ANKFY1: variants seen among roughly 807,000 people sequenced by gnomAD.
ANKFY1 encodes the protein ankyrin repeat and FYVE domain-containing protein 1.
A neutral mutation model predicts 128.3 loss-of-function variants in ANKFY1; 47 were observed. The ratio of observed to expected loss-of-function variants is 0.37; its 90% CI spans 0.29 to 0.47. The LOEUF is 0.47. ANKFY1 is among the 20% of genes least tolerant of loss of function. The probability of loss-of-function intolerance (pLI) is 1.00; values close to 1 mark genes in which losing one functional copy is unlikely to be tolerated. For synonymous variants in ANKFY1, 553 were observed against 601.6 expected, an observed-to-expected ratio of 0.92 and a Z score of 1.18; for missense variants, 1,222 against 1,510.6, an observed-to-expected ratio of 0.81 and a Z score of 3.17.
intron 2 of ANKFY1, 91 bp from the exon 3 acceptor site, chr17:4,235,981 A>G: frequency 1.2e-6 from 1 of 842,470 alleles, no homozygotes; most frequent in South Asian, 1.6e-5. Context: ...ATGAGTATTC[A>G]TCAACATACA....
intron 1 of ANKFY1, among the ~76,000 whole-genome samples, chr17:4,245,778 G>C (rs1272086156): frequency 1.3e-5 from 2 of 150,676 alleles, no homozygotes; most frequent in Non-Finnish European, 2.9e-5. Context: ...GCCAGGTCTG[G>C]TGGCTCATGC....
chr17:4,197,463 T>A lies in ANKFY1; in HGVS notation c.1013A>T (p.His338Leu). The A allele has an allele frequency of 6.2e-7, 1 of 1,614,170 alleles. No homozygotes were observed. The highest frequency in any genetic ancestry group is 8.5e-7 in the Non-Finnish European group (1 of 1,180,038). ...CATCTCAGACATCACATCTGCTGAG[T>A]GTTTCTTTGAACTGTACAAGGCCAC... ...HLVALYSSKK[H>L]SADVMSEMAQ... Residue 338 changes from histidine (H) to leucine (L), a missense_variant, in exon 8 of 25, where the codon CAC becomes CTC. Transcript: ENST00000341657.
chr17:4,165,476 C>G lies in ANKFY1; in HGVS notation c.*2303G>C, dbSNP rs1249562697. On this transcript the variant is annotated 3_prime_UTR_variant, in exon 25 of 25. Transcript: ENST00000341657. Reference sequence around the variant, plus strand: ...GGCTGGAAGCATGCCTAGTCCCAGCCAGGGCAGGGCATGTTGGAGTCAGCT... The same window carrying G: ...GGCTGGAAGCATGCCTAGTCCCAGCGAGGGCAGGGCATGTTGGAGTCAGCT... 1 of 152,204 alleles carries G rather than the reference C, an allele frequency of 6.6e-6. No individual in the cohort carries two copies. The highest frequency in any genetic ancestry group is 6.5e-5 in the Admixed American group (1 of 15,284). The allele number at this position is 152,204 out of a possible 1,614,324, so 9.4% of individuals were successfully genotyped here.
rs2059302354 is a variant in ANKFY1, at chr17:4,170,774, T to C, written c.3227A>G (p.Gln1076Arg). ...SGARLGVNNN[Q>R]GVNIFNYQVA... ...CTGGTAGTTGAAGATGTTGACTCCC[T>C]GGTTGTTATTCACCCCGAGGCGAGC... Residue 1076 changes from glutamine to arginine, a missense_variant, in exon 23 of 25, where the codon CAG becomes CGG. By Grantham distance (43) the Gln-to-Arg change is conservative (BLOSUM62 1). Transcript: ENST00000341657. 6.2e-7 allele frequency: 1 copy of C among 1,614,046 alleles called. No individual in the cohort carries two copies. The highest frequency in any genetic ancestry group is 1.7e-5 in the Admixed American group (1 of 59,998).
chr17:4,234,791 G>A (rs1966863051), intron 3 of ANKFY1, among the ~76,000 whole-genome samples: 2 of 152,124 alleles, frequency 1.3e-5, no homozygotes, highest in South Asian at 4.1e-4. Flanking sequence ...TTACAGGCAT[G>A]AGCCACCATA....
chr17:4,173,557 T>C, intron 20 of ANKFY1, 113 bp from the exon 21 acceptor site: 1 of 971,456 alleles, frequency 1.0e-6, no homozygotes, highest in Non-Finnish European at 1.6e-6. Flanking sequence ...CAGCAGCGAC[T>C]GGCCACGCAC....
intron 8 of ANKFY1, among the ~76,000 whole-genome samples, chr17:4,195,949 A>T (rs2143010243): frequency 6.6e-6 from 1 of 151,616 alleles, no homozygotes; most frequent in East Asian, 1.9e-4. Context: ...CCTGCAGGAG[A>T]CTGGCACTGC....
intron 1 of ANKFY1, chr17:4,263,522 G>A (rs1968535451): frequency 8.2e-7 from 1 of 1,221,072 alleles, no homozygotes; most frequent in African/African-American, 1.6e-5. Context: ...TCTTCCGCAA[G>A]CGAGGGATGG....
At chr17:4,207,842 C>A in intron 6 of ANKFY1, 91 bp downstream of exon 6, 1 of 1,326,982 alleles carries the variant, frequency 7.5e-7, no homozygotes, top group South Asian at 1.6e-5. Flanking sequence ...CTGTGCCAGT[C>A]ATGGCTCGGA....
intron 5 of ANKFY1, 40 bp from the exon 6 acceptor site, chr17:4,208,122 A>C (rs777100372): frequency 6.4e-7 from 1 of 1,556,014 alleles, no homozygotes; most frequent in Non-Finnish European, 8.7e-7. Context: ...AACAGACACA[A>C]GGCAATGAAT....
intron 1 of ANKFY1, among the ~76,000 whole-genome samples, chr17:4,261,620 C>T (rs539994262): frequency 6.1e-4 from 93 of 152,362 alleles, no homozygotes; most frequent in African/African-American, 2.2e-3. Flanking sequence ...GGCGAGATGT[C>T]TCTCAAGGCG....
rs1469775142 is a variant in ANKFY1, at chr17:4,164,986, C to T, written c.*2793G>A. On this transcript the variant is annotated 3_prime_UTR_variant, in exon 25 of 25. Coordinates refer to ENST00000341657, the MANE Select transcript of ANKFY1 (RefSeq NM_001330063.2). ...GTAATTGGGGTTGACCGTGCACAGG[C>T]CCAAAACTCCAAATGGAACACATGT... is the stretch of plus-strand genomic sequence containing the variant. 2.0e-5 allele frequency: 3 copies of T among 152,566 alleles called. No individual in the cohort carries two copies. The highest frequency in any genetic ancestry group is 1.3e-4 in the Admixed American group (2 of 15,264). The allele number at this position is 152,566 out of a possible 1,614,324, so 9.5% of individuals were successfully genotyped here.
chr17:4,263,492 CAG>C, intron 1 of ANKFY1: 30 of 1,201,870 alleles, frequency 2.5e-5, no homozygotes, highest in East Asian at 4.1e-5. Flanking sequence ...CACCCCAACC[CAG>C]CCCGAGGAGA....
intron 20 of ANKFY1, 118 bp downstream of exon 20, chr17:4,173,791 C>T: frequency 7.3e-7 from 1 of 1,365,900 alleles, no homozygotes; most frequent in Admixed American, 2.2e-5. Context: ...CTTCCTGTCA[C>T]AGCTTTGCTC....
chr17:4,184,570 A>G (rs2059576744), intron 12 of ANKFY1, among the ~76,000 whole-genome samples: 1 of 152,208 alleles, frequency 6.6e-6, no homozygotes, highest in Non-Finnish European at 1.5e-5. Context: ...ATAGTCAAAT[A>G]AGACAGACAT....
intron 24 of ANKFY1, chr17:4,168,725 G>C (rs2059258912): frequency 6.5e-6 from 1 of 152,926 alleles, no homozygotes; most frequent in Non-Finnish European, 1.5e-5. Flanking sequence ...TGTTGGCCAG[G>C]CTGGTCTCGA....
intron 2 of ANKFY1, among the ~76,000 whole-genome samples, chr17:4,239,695 C>T (rs1376675571): frequency 6.6e-6 from 1 of 152,082 alleles, no homozygotes; most frequent in Non-Finnish European, 1.5e-5. Flanking sequence ...CGTGCCACCA[C>T]ATGTGGCTAA....
At chr17:4,218,946 CAT>C (rs983462396) in intron 3 of ANKFY1, among the ~76,000 whole-genome samples, 1 of 151,892 alleles carries the variant, frequency 6.6e-6, no homozygotes, top group East Asian at 1.9e-4. Context: ...TGCATGCATA[CAT>C]ATATATATAA....
intron 11 of ANKFY1, 94 bp downstream of exon 11, chr17:4,189,288 A>G (rs1328324381): frequency 9.1e-7 from 1 of 1,095,772 alleles, no homozygotes; most frequent in Non-Finnish European, 1.3e-6. Context: ...AAAAACTGAA[A>G]AAAACCACCT....
Sources: allele counts gnomAD v4.1 joint callset (sites outside exome capture counted in the v4.1 genomes callset), GRCh38; gene constraint gnomAD v4.1.1; transcripts MANE v1.5; gene names NCBI Gene and HGNC (gene_info 2026-07-23, HGNC 2026-07-21).